Variants in CPLX2 observed in about 807,000 individuals in gnomAD.
CPLX2 encodes complexin-2.
CPLX2 carries 5 observed loss-of-function variants against 16.3 expected under a neutral mutation model. The ratio of observed to expected loss-of-function variants is 0.31; its 90% CI spans 0.16 to 0.64. CPLX2 has a LOEUF of 0.64. Among genes scored for constraint, CPLX2 ranks in the 30% least tolerant of loss-of-function variants. CPLX2 has a pLI of 0.79. For synonymous variants in CPLX2, 89 were observed against 73.2 expected (o/e 1.22, Z -1.10); for missense variants, 144 against 181.4 (o/e 0.79, Z 1.18).
chr5:175,862,400 C>A (rs1164981378), intron 2 of CPLX2, among the ~76,000 whole-genome samples: 1 of 152,208 alleles, frequency 6.6e-6, no homozygotes. Context: ...AATGCTCTAG[C>A]TGTGCCATGA....
chr5:175,844,537 G>T (rs933561222), intron 2 of CPLX2, among the ~76,000 whole-genome samples: 1 of 152,232 alleles, frequency 6.6e-6, no homozygotes, highest in Non-Finnish European at 1.5e-5. Flanking sequence ...TGACAAGGAG[G>T]GTGGCTTGTT....
At chr5:175,816,236 C>G (rs989873670) in intron 2 of CPLX2, among the ~76,000 whole-genome samples, 2 of 151,982 alleles carry the variant, frequency 1.3e-5, no homozygotes, top group Admixed American at 6.6e-5. Flanking sequence ...GGTGCAATCT[C>G]GGCTCACTGC....
intron 2 of CPLX2, among the ~76,000 whole-genome samples, chr5:175,812,412 T>C (rs568399947): frequency 2.9e-4 from 44 of 152,338 alleles, no homozygotes; most frequent in South Asian, 2.1e-3. Flanking sequence ...GGAAATATGT[T>C]GCGTTCCTAT....
In CPLX2 at chr5:175,828,399, G is replaced by A. The variant is rs577833866; in HGVS notation, c.-89+19331G>A. ...GCATCTGTATGTGGAAGCAACGCAC[G>A]TTAGAGGGTAGAGAGTAGAAGTGAT... On this transcript the variant is annotated intron_variant, in intron 2 of 4. Coordinates refer to the CPLX2 transcript ENST00000359546. 8.3e-4 allele frequency among the ~76,000 whole-genome samples: 126 copies of A among 152,336 alleles called. 1 individual carries two copies. The highest frequency in any genetic ancestry group is 2.7e-3 in the African/African-American group (112 of 41,568).
intron 2 of CPLX2, among the ~76,000 whole-genome samples, chr5:175,853,034 C>G (rs759190875): frequency 6.6e-6 from 1 of 152,192 alleles, no homozygotes; most frequent in African/African-American, 2.4e-5. Flanking sequence ...GGCCCAGGCC[C>G]AACAGCGTGG....
In CPLX2 at chr5:175,881,147, T is replaced by C. The variant is rs528161824; in HGVS notation, c.*1102T>C. On this transcript the variant is annotated 3_prime_UTR_variant, in exon 4 of 4. Coordinates refer to ENST00000393745, the MANE Select transcript of CPLX2 (RefSeq NM_001008220.2). ...AAAGCTTTCTGCTCAGTCAGTTGTG[T>C]GGGGATGGTGAGGGAAGAGGGGTCA... The C allele has an allele frequency of 7.2e-5, 11 of 153,076 alleles. No homozygotes were observed. Among genetic ancestry groups the C allele is most frequent in the Admixed American group, 3.3e-4 (5 of 15,286 alleles). 9.5% of individuals were successfully genotyped at this position (153,076 alleles called of 1,614,324 possible).
chr5:175,805,242 T>A (rs1758175213), intron 1 of CPLX2, among the ~76,000 whole-genome samples: 1 of 152,174 alleles, frequency 6.6e-6, no homozygotes, highest in South Asian at 2.1e-4. Context: ...ATAACCCTTT[T>A]GAGTAAGCAT....
At chr5:175,822,683 T>C (rs1758535508) in intron 2 of CPLX2, among the ~76,000 whole-genome samples, 1 of 152,108 alleles carries the variant, frequency 6.6e-6, no homozygotes, top group Non-Finnish European at 1.5e-5. Flanking sequence ...CTTTGCAGAG[T>C]GGGAACACAG....
chr5:175,810,939 G>T (rs1483312650), intron 2 of CPLX2, among the ~76,000 whole-genome samples: 1 of 152,144 alleles, frequency 6.6e-6, no homozygotes, highest in African/African-American at 2.4e-5. Flanking sequence ...GTGATCTCTA[G>T]CCTGTGTTAT....
chr5:175,826,947 C>T (rs755054295), intron 2 of CPLX2, among the ~76,000 whole-genome samples: 4 of 152,212 alleles, frequency 2.6e-5, no homozygotes, highest in African/African-American at 7.2e-5. Context: ...AGTTGGATCA[C>T]GCAGCTCGAA....
chr5:175,799,539 C>CATATATATATCTAT lies in CPLX2; in HGVS notation c.-169+2765_-169+2766insCTATATATATATAT, dbSNP rs1227041477. ...ATCTTTGAGATCCCTTTGCAAATTT[C>CATATATATATCTAT]ATATATATATATATATATATATATA... On this transcript the variant is annotated intron_variant, in intron 1 of 4. Transcript: ENST00000359546. Among the ~76,000 whole-genome samples, 12 of 72,276 alleles carry CATATATATATCTAT rather than the reference C, an allele frequency of 1.7e-4. 1 individual carries two copies. Among genetic ancestry groups the CATATATATATCTAT allele is most frequent in the African/African-American group, 5.0e-4 (9 of 17,838 alleles). 47.4% of individuals were successfully genotyped at this position (72,276 alleles called of 152,430 possible). A position where few individuals can be genotyped will look rare whatever the true frequency, so the allele number is the denominator to read the frequency against.
chr5:175,858,839 G>C (rs1156971557), intron 2 of CPLX2, among the ~76,000 whole-genome samples: 1 of 152,238 alleles, frequency 6.6e-6, no homozygotes, highest in Non-Finnish European at 1.5e-5. Flanking sequence ...GACCAAGGGA[G>C]CCTGTTGATT....
At chr5:175,875,288 T>C (rs1759730954) in intron 1 of CPLX2, among the ~76,000 whole-genome samples, 1 of 151,680 alleles carries the variant, frequency 6.6e-6, no homozygotes, top group Non-Finnish European at 1.5e-5. Flanking sequence ...GGATGGAAGA[T>C]GTGAGGAAGA....
intron 2 of CPLX2, among the ~76,000 whole-genome samples, chr5:175,817,417 C>T (rs115156511): frequency 0.024 from 3,731 of 152,316 alleles, 147 homozygotes; most frequent in African/African-American, 0.083. Flanking sequence ...AATGTCCTAA[C>T]GCACAGTATG....
chr5:175,801,170 A>AAAC (rs1758089435), intron 1 of CPLX2, among the ~76,000 whole-genome samples: 1 of 151,804 alleles, frequency 6.6e-6, no homozygotes, highest in African/African-American at 2.4e-5. Context: ...TTAAAAAAAA[A>AAAC]AAAAAACTGG....
intron 2 of CPLX2, among the ~76,000 whole-genome samples, chr5:175,851,953 G>A (rs1311935998): frequency 6.6e-6 from 1 of 152,226 alleles, no homozygotes; most frequent in African/African-American, 2.4e-5. Context: ...GGCAGCCCCT[G>A]GGACGGGCTA....
intron 2 of CPLX2, among the ~76,000 whole-genome samples, chr5:175,864,549 G>A (rs539962961): frequency 5.3e-5 from 8 of 152,262 alleles, no homozygotes; most frequent in East Asian, 1.9e-4. Flanking sequence ...ACAGAGTCTC[G>A]GATCTGAAAG....
intron 1 of CPLX2, among the ~76,000 whole-genome samples, chr5:175,803,368 TC>T (rs1355802014): frequency 6.6e-6 from 1 of 152,090 alleles, no homozygotes; most frequent in Non-Finnish European, 1.5e-5. Context: ...GTAAACAAAA[TC>T]ATTTCACCAA....
intron 2 of CPLX2, among the ~76,000 whole-genome samples, chr5:175,864,460 A>C (rs1002582324): frequency 2.0e-5 from 3 of 152,152 alleles, no homozygotes; most frequent in Non-Finnish European, 4.4e-5. Flanking sequence ...CTCTTCACTA[A>C]GACAGCACTT....
Sources: allele counts gnomAD v4.1 joint callset (sites outside exome capture counted in the v4.1 genomes callset), GRCh38; gene constraint gnomAD v4.1.1; transcripts MANE v1.5; gene names NCBI Gene and HGNC (gene_info 2026-07-23, HGNC 2026-07-21).